YWHAE: variants seen among roughly 807,000 people sequenced by gnomAD.
YWHAE encodes the protein 14-3-3 protein epsilon.
YWHAE carries 4 observed loss-of-function variants against 30.1 expected under a neutral mutation model. That is an observed-to-expected ratio of 0.13 (90% CI 0.07 to 0.30). YWHAE has a LOEUF of 0.30. YWHAE is among the 10% of genes least tolerant of loss of function. The pLI, the probability that YWHAE is intolerant of heterozygous loss-of-function variation, is 1.00. For missense variants in YWHAE, 121 were observed against 315.9 expected, an observed-to-expected ratio of 0.38 and a Z score of 4.68; for synonymous variants, 118 against 111.8, an observed-to-expected ratio of 1.06 and a Z score of -0.35.
chr17:1,394,446 A>AAAAAAAAAAAC (rs2073435005), intron 1 of YWHAE, among the ~76,000 whole-genome samples: 1 of 148,568 alleles, frequency 6.7e-6, no homozygotes, highest in African/African-American at 2.5e-5. Flanking sequence ...CAAAAAAAAA[A>AAAAAAAAAAAC]AAAAAAAAAA....
intron 1 of YWHAE, among the ~76,000 whole-genome samples, chr17:1,381,397 T>G (rs2073204199): frequency 6.6e-6 from 1 of 152,008 alleles, no homozygotes; most frequent in Non-Finnish European, 1.5e-5. Context: ...TAATCCCAGC[T>G]ACTCAGGAGG....
At chr17:1,398,325 C>G (rs2073504984) in intron 1 of YWHAE, among the ~76,000 whole-genome samples, 2 of 62,330 alleles carry the variant, frequency 3.2e-5, no homozygotes, top group African/African-American at 2.0e-4. Flanking sequence ...GCTGTACTTC[C>G]CCATCTTATC....
intron 1 of YWHAE, among the ~76,000 whole-genome samples, chr17:1,368,989 T>G (rs541036125): frequency 2.0e-5 from 3 of 152,328 alleles, no homozygotes; most frequent in East Asian, 3.9e-4. Context: ...TTACAAATTT[T>G]CAACAACGAA....
chr17:1,355,798 G>C (rs1044969764), intron 4 of YWHAE, among the ~76,000 whole-genome samples: 3 of 152,148 alleles, frequency 2.0e-5, no homozygotes, highest in Non-Finnish European at 4.4e-5. Flanking sequence ...ACTTTGGGTG[G>C]CTGATGCGTG....
At chr17:1,375,114 C>T (rs1443940968) in intron 1 of YWHAE, among the ~76,000 whole-genome samples, 5 of 152,136 alleles carry the variant, frequency 3.3e-5, no homozygotes, top group African/African-American at 7.2e-5. Flanking sequence ...GGAAAGTCAA[C>T]TTCTCAATCT....
chr17:1,399,906 C>T, intron 1 of YWHAE, 141 bp downstream of exon 1: 1 of 999,140 alleles, frequency 1.0e-6, no homozygotes, highest in Non-Finnish European at 1.6e-6. Context: ...CGGGAGCTCC[C>T]AGGCCATTTC....
intron 4 of YWHAE, among the ~76,000 whole-genome samples, chr17:1,358,422 G>C (rs1474777699): frequency 6.6e-6 from 1 of 151,860 alleles, no homozygotes; most frequent in Non-Finnish European, 1.5e-5. Context: ...TGTATTTTTA[G>C]TAGAGACGGG....
intron 5 of YWHAE, among the ~76,000 whole-genome samples, chr17:1,346,694 A>G (rs1325065159): frequency 6.6e-6 from 1 of 152,238 alleles, no homozygotes; most frequent in Non-Finnish European, 1.5e-5. Flanking sequence ...CTCTACAAAA[A>G]ATGAACATAA....
At chr17:1,389,415 G>A (rs2073356005) in intron 1 of YWHAE, among the ~76,000 whole-genome samples, 1 of 152,076 alleles carries the variant, frequency 6.6e-6, no homozygotes, top group Non-Finnish European at 1.5e-5. Context: ...ACTGTCCAAG[G>A]CTTATATTAT....
chr17:1,361,713 GAATAT>G, intron 3 of YWHAE, 184 bp downstream of exon 3: 1 of 516,206 alleles, frequency 1.9e-6, no homozygotes. Context: ...AAAAACAAAA[GAATAT>G]AAATAAGCAA....
intron 1 of YWHAE, among the ~76,000 whole-genome samples, chr17:1,371,383 C>T (rs1365470591): frequency 1.3e-5 from 2 of 152,094 alleles, no homozygotes; most frequent in Non-Finnish European, 2.9e-5. Context: ...CTGCACCCAA[C>T]CTCGGTGCAT....
intron 1 of YWHAE, among the ~76,000 whole-genome samples, chr17:1,388,973 C>G (rs1267931627): frequency 6.6e-6 from 1 of 152,118 alleles, no homozygotes; most frequent in Non-Finnish European, 1.5e-5. Context: ...AATCTTTCTC[C>G]TTTCCTTTTT....
intron 1 of YWHAE, among the ~76,000 whole-genome samples, chr17:1,368,404 A>G (rs1215633842): frequency 6.6e-6 from 1 of 151,794 alleles, no homozygotes; most frequent in Non-Finnish European, 1.5e-5. Flanking sequence ...AGAAAAAGAA[A>G]AATACAAAAA....
intron 5 of YWHAE, among the ~76,000 whole-genome samples, chr17:1,346,817 T>A (rs1483877073): frequency 1.3e-5 from 2 of 150,694 alleles, no homozygotes; most frequent in Non-Finnish European, 2.9e-5. Flanking sequence ...AATCCCCATC[T>A]CTACTGAAAA....
At chr17:1,353,400 T>C (rs761106608) in intron 5 of YWHAE, among the ~76,000 whole-genome samples, 23 of 135,896 alleles carry the variant, frequency 1.7e-4, no homozygotes, top group Admixed American at 1.3e-3. Context: ...ATCGCGCCAC[T>C]GCACTCCAGC....
rs556112053 is a variant in YWHAE at position 1,356,426 on chromosome 17, G to A, written c.579-2079C>T. 1.2e-3 allele frequency among the ~76,000 whole-genome samples: 179 copies of A among 152,252 alleles called. 1 individual carries two copies. Among genetic ancestry groups the A allele is most frequent in the African/African-American group, 4.1e-3 (170 of 41,562 alleles). On this transcript the variant is annotated intron_variant, in intron 4 of 5. Coordinates refer to ENST00000264335, the MANE Select transcript of YWHAE (RefSeq NM_006761.5). ...GTATTTCAGGGACCCAGAAGGAGGA[G>A]CAATTAAAGGGAAAGTCAAATTTGA... is the stretch of plus-strand genomic sequence containing the variant.
At chr17:1,353,971 T>A (rs2072684682) in intron 5 of YWHAE, among the ~76,000 whole-genome samples, 1 of 152,180 alleles carries the variant, frequency 6.6e-6, no homozygotes, top group Admixed American at 6.6e-5. Context: ...CTGCTTGCTC[T>A]CCACTCCTCC....
intron 1 of YWHAE, among the ~76,000 whole-genome samples, chr17:1,376,071 T>C (rs1004033270): frequency 1.3e-5 from 2 of 152,234 alleles, no homozygotes; most frequent in Admixed American, 1.3e-4. Flanking sequence ...AACACGAAGG[T>C]TAAACTTGTT....
chr17:1,370,615 G>C (rs1222473044), intron 1 of YWHAE, among the ~76,000 whole-genome samples: 1 of 152,118 alleles, frequency 6.6e-6, no homozygotes, highest in Non-Finnish European at 1.5e-5. Context: ...ATTTTTAGTA[G>C]AGACGGGGTT....
Sources: allele counts gnomAD v4.1 joint callset (sites outside exome capture counted in the v4.1 genomes callset), GRCh38; gene constraint gnomAD v4.1.1; transcripts MANE v1.5; gene names NCBI Gene and HGNC (gene_info 2026-07-23, HGNC 2026-07-21).